Variants in RBMS3 observed in about 807,000 individuals in gnomAD.
RBMS3 encodes the protein RNA binding motif single stranded interacting protein 3, also known as RNA-binding motif, single-stranded-interacting protein 3.
In RBMS3, 27 loss-of-function variants were observed where a neutral mutation model predicts 66.8. That is an observed-to-expected ratio of 0.40 (90% CI 0.30 to 0.56). The LOEUF is 0.56. Ranked by LOEUF, RBMS3 falls within the 20% of genes least tolerant of loss-of-function variation. The pLI is 0.40. For missense variants in RBMS3, 513 were observed against 549.5 expected (o/e 0.93, Z 0.66); for synonymous variants, 188 against 183.0 (o/e 1.03, Z -0.22).
intron 6 of RBMS3, among the ~76,000 whole-genome samples, chr3:29,847,970 C>A (rs1426146075): frequency 6.6e-6 from 1 of 152,126 alleles, no homozygotes; most frequent in Non-Finnish European, 1.5e-5. Context: ...CACTGTGAAC[C>A]TATACAAGGG....
intron 14 of RBMS3, among the ~76,000 whole-genome samples, chr3:29,999,439 T>A (rs532229476): frequency 7.9e-5 from 12 of 152,332 alleles, no homozygotes; most frequent in Admixed American, 7.8e-4. Flanking sequence ...TTATAAATCA[T>A]GCTGCTATAA....
At chr3:29,354,699 G>A (rs138668632) in intron 1 of RBMS3, among the ~76,000 whole-genome samples, 5 of 152,178 alleles carry the variant, frequency 3.3e-5, no homozygotes, top group East Asian at 3.9e-4. Flanking sequence ...CAGGCCCTGC[G>A]AACATGACAC....
At chr3:29,586,111 C>T (rs2047511972) in intron 3 of RBMS3, among the ~76,000 whole-genome samples, 1 of 152,008 alleles carries the variant, frequency 6.6e-6, no homozygotes. Flanking sequence ...TATAAGAATA[C>T]AGATGATTCC....
intron 6 of RBMS3, among the ~76,000 whole-genome samples, chr3:29,800,561 A>C (rs1265966918): frequency 6.6e-6 from 1 of 152,186 alleles, no homozygotes; most frequent in Non-Finnish European, 1.5e-5. Flanking sequence ...TACATCATAA[A>C]ATCATCAAAT....
intron 5 of RBMS3, among the ~76,000 whole-genome samples, chr3:29,742,409 A>G (rs958725042): frequency 2.6e-5 from 4 of 152,122 alleles, no homozygotes; most frequent in Non-Finnish European, 4.4e-5. Flanking sequence ...CTCCAGCATC[A>G]TTCTTGATAT....
At chr3:29,505,916 G>C (rs1325317541) in intron 3 of RBMS3, among the ~76,000 whole-genome samples, 2 of 150,254 alleles carry the variant, frequency 1.3e-5, no homozygotes, top group African/African-American at 4.9e-5. Flanking sequence ...TATATTGTAT[G>C]TTGATTTTTT....
At chr3:29,340,593 A>G (rs1308940672) in intron 1 of RBMS3, among the ~76,000 whole-genome samples, 1 of 152,162 alleles carries the variant, frequency 6.6e-6, no homozygotes, top group Non-Finnish European at 1.5e-5. Flanking sequence ...ACAAAATGCC[A>G]CATCTTTTCT....
At chr3:29,843,993 C>T (rs543876692) in intron 6 of RBMS3, among the ~76,000 whole-genome samples, 4 of 151,720 alleles carry the variant, frequency 2.6e-5, no homozygotes, top group South Asian at 2.1e-4. Context: ...AGTCTGTTCA[C>T]AGTATAATTT....
At chr3:30,002,507 T>C (rs1232739863) in intron 14 of RBMS3, among the ~76,000 whole-genome samples, 1 of 152,068 alleles carries the variant, frequency 6.6e-6, no homozygotes, top group Non-Finnish European at 1.5e-5. Flanking sequence ...TAGAGACAGT[T>C]AAAATATAAA....
intron 4 of RBMS3, among the ~76,000 whole-genome samples, chr3:29,673,021 T>C (rs1365728589): frequency 6.6e-6 from 1 of 152,108 alleles, no homozygotes; most frequent in Non-Finnish European, 1.5e-5. Context: ...CCTCAGCAAA[T>C]GTAAAAGAAC....
chr3:29,361,940 G>A (rs2037617588), intron 1 of RBMS3, among the ~76,000 whole-genome samples: 2 of 152,076 alleles, frequency 1.3e-5, no homozygotes, highest in South Asian at 2.1e-4. Flanking sequence ...ATTCTAGTTA[G>A]CCATTAGTCG....
intron 4 of RBMS3, chr3:29,641,237 CTAAA>C (rs1316223804): frequency 1.3e-5 from 2 of 151,926 alleles, no homozygotes; most frequent in African/African-American, 4.8e-5. Flanking sequence ...TTCCCTGTTA[CTAAA>C]TATTGTTCAA....
chr3:29,940,758 CAAA>C (rs34538761), intron 11 of RBMS3, among the ~76,000 whole-genome samples: 2 of 145,916 alleles, frequency 1.4e-5, no homozygotes. Context: ...CTGCAGGCCT[CAAA>C]AAAAAAAAAA....
chr3:29,816,603 G>T (rs956961859), intron 6 of RBMS3, among the ~76,000 whole-genome samples: 66 of 152,162 alleles, frequency 4.3e-4, no homozygotes, highest in African/African-American at 1.5e-3. Context: ...GAAATCAAAG[G>T]TTCTTCTGGT....
At chr3:29,582,452 G>T (rs1181908350) in intron 3 of RBMS3, among the ~76,000 whole-genome samples, 6 of 152,194 alleles carry the variant, frequency 3.9e-5, no homozygotes, top group African/African-American at 9.7e-5. Context: ...GGACAGGAGT[G>T]TGTGGAGAAA....
chr3:29,955,954 A>G (rs1696011937), intron 12 of RBMS3, among the ~76,000 whole-genome samples: 1 of 152,104 alleles, frequency 6.6e-6, no homozygotes, highest in Non-Finnish European at 1.5e-5. Flanking sequence ...TACAACCTTG[A>G]AAGCTGCCTT....
At chr3:29,563,409 A>G (rs2046624659) in intron 3 of RBMS3, among the ~76,000 whole-genome samples, 1 of 152,148 alleles carries the variant, frequency 6.6e-6, no homozygotes, top group South Asian at 2.1e-4. Flanking sequence ...TATTCAACCA[A>G]TATTTCTTTA....
At chr3:29,534,652 T>C (rs1253271880) in intron 3 of RBMS3, among the ~76,000 whole-genome samples, 1 of 152,184 alleles carries the variant, frequency 6.6e-6, no homozygotes, top group East Asian at 1.9e-4. Context: ...AGTTTAACCT[T>C]TTGGATCATG....
intron 1 of RBMS3, among the ~76,000 whole-genome samples, chr3:29,312,831 A>G (rs146610898): frequency 4.4e-4 from 66 of 151,664 alleles, no homozygotes; most frequent in African/African-American, 1.5e-3. Context: ...GAAACTGTGG[A>G]CTTTAGATAA....
Sources: gnomAD v4.1 joint callset for allele counts (sites outside exome capture counted in the v4.1 genomes callset) on GRCh38, gnomAD v4.1.1 for gene constraint, MANE v1.5 for transcripts, NCBI Gene and HGNC (gene_info 2026-07-23, HGNC 2026-07-21) for gene names.